LINGO2: variants seen among roughly 807,000 people sequenced by gnomAD.
The protein encoded by LINGO2 is leucine rich repeat and Ig domain containing 2, also known as leucine-rich repeat and immunoglobulin-like domain-containing nogo receptor-interacting protein 2.
In LINGO2, 14 loss-of-function variants were observed where a neutral mutation model predicts 30.6. The ratio of observed to expected loss-of-function variants is 0.46; its 90% CI spans 0.30 to 0.72. The LOEUF is 0.72. Among genes scored for constraint, LINGO2 ranks in the 30% least tolerant of loss-of-function variants. The probability of loss-of-function intolerance (pLI) is 0.07; values close to 1 mark genes in which losing one functional copy is unlikely to be tolerated. For missense variants in LINGO2, 729 were observed against 751.7 expected, an observed-to-expected ratio of 0.97 and a Z score of 0.35; for synonymous variants, 317 against 288.5, an observed-to-expected ratio of 1.10 and a Z score of -1.00.
chr9:28,805,877 A>T, the LINGO2 span, among the ~76,000 whole-genome samples: 24 of 152,272 alleles, frequency 1.6e-4, no homozygotes, highest in African/African-American at 5.3e-4. Context: ...TAGTATAAAC[A>T]CACAGATAAT....
the LINGO2 span, among the ~76,000 whole-genome samples, chr9:29,155,556 CTT>C: frequency 0.044 from 6,077 of 139,572 alleles, 174 homozygotes; most frequent in Admixed American, 0.086. Context: ...GAGGGTTTTC[CTT>C]TTTTTTTTTT....
At chr9:28,549,881 A>T (rs933710631) in intron 1 of LINGO2, among the ~76,000 whole-genome samples, 2 of 151,276 alleles carry the variant, frequency 1.3e-5, no homozygotes, top group African/African-American at 4.8e-5. Context: ...TTTACCCTCC[A>T]TTTTTGATAA....
downstream of LINGO2, among the ~76,000 whole-genome samples, chr9:27,945,569 G>A (rs1823334095): frequency 6.6e-6 from 1 of 152,048 alleles, no homozygotes; most frequent in Non-Finnish European, 1.5e-5. Context: ...TTTCTTTCTG[G>A]GATACTTTGA....
At chr9:28,974,621 T>A in the LINGO2 span, among the ~76,000 whole-genome samples, 1 of 152,190 alleles carries the variant, frequency 6.6e-6, no homozygotes, top group South Asian at 2.1e-4. Flanking sequence ...ATACAATGAA[T>A]CCATAAAACT....
chr9:28,455,551 C>A (rs938125539), intron 2 of LINGO2, among the ~76,000 whole-genome samples: 1 of 151,944 alleles, frequency 6.6e-6, no homozygotes, highest in African/African-American at 2.4e-5. Context: ...TAGGATGCAA[C>A]TAAAGTCAAG....
At chr9:28,371,605 T>A (rs1393427494) in intron 3 of LINGO2, among the ~76,000 whole-genome samples, 1 of 152,100 alleles carries the variant, frequency 6.6e-6, no homozygotes, top group East Asian at 1.9e-4. Context: ...TTTGAGAGGA[T>A]AAAAACATTC....
At chr9:27,997,717 G>A (rs756595843) in intron 5 of LINGO2, among the ~76,000 whole-genome samples, 1 of 152,170 alleles carries the variant, frequency 6.6e-6, no homozygotes, top group Non-Finnish European at 1.5e-5. Flanking sequence ...TTGCAAAAAT[G>A]TATCTTTTTG....
the LINGO2 span, among the ~76,000 whole-genome samples, chr9:28,989,268 T>C: frequency 6.6e-6 from 1 of 152,228 alleles, no homozygotes; most frequent in East Asian, 1.9e-4. Context: ...TTAAACTAAT[T>C]GGCTTCAGCT....
At chr9:28,142,454 G>A (rs1268440637) in intron 4 of LINGO2, among the ~76,000 whole-genome samples, 4 of 152,042 alleles carry the variant, frequency 2.6e-5, no homozygotes, top group Admixed American at 2.6e-4. Context: ...AACTTCATAG[G>A]ATTTTTTGTT....
intron 4 of LINGO2, among the ~76,000 whole-genome samples, chr9:28,168,967 G>C (rs1828508444): frequency 1.3e-5 from 2 of 152,160 alleles, no homozygotes; most frequent in Non-Finnish European, 2.9e-5. Flanking sequence ...CAGCTGGTCT[G>C]TGCCAGGTAC....
At chr9:28,791,076 G>A in the LINGO2 span, among the ~76,000 whole-genome samples, 1,002 of 152,086 alleles carry the variant, frequency 6.6e-3, 13 homozygotes, top group African/African-American at 0.023. Context: ...AAGTCTATGC[G>A]AATGTATGTA....
intron 4 of LINGO2, among the ~76,000 whole-genome samples, chr9:28,086,191 C>T: frequency 6.6e-6 from 1 of 151,874 alleles, no homozygotes; most frequent in East Asian, 1.9e-4. Flanking sequence ...GCCTGAAAAT[C>T]AACATTTTTA....
intron 5 of LINGO2, among the ~76,000 whole-genome samples, chr9:28,007,188 T>C (rs1822309156): frequency 6.6e-6 from 1 of 152,168 alleles, no homozygotes; most frequent in African/African-American, 2.4e-5. Context: ...AACTCCTTAA[T>C]ATAAGAAACA....
At chr9:29,098,580 A>C in the LINGO2 span, among the ~76,000 whole-genome samples, 1 of 152,078 alleles carries the variant, frequency 6.6e-6, no homozygotes, top group Non-Finnish European at 1.5e-5. Context: ...AGACGTGAAA[A>C]ACTGGAGAAC....
intron 4 of LINGO2, among the ~76,000 whole-genome samples, chr9:28,236,970 GCAT>G (rs1821589559): frequency 6.6e-6 from 1 of 151,962 alleles, no homozygotes; most frequent in Non-Finnish European, 1.5e-5. Context: ...ATTATGCATT[GCAT>G]GTCTATACCA....
At chr9:28,730,888 C>T in the LINGO2 span, among the ~76,000 whole-genome samples, 1 of 152,068 alleles carries the variant, frequency 6.6e-6, no homozygotes, top group East Asian at 1.9e-4. Context: ...TCACACATTG[C>T]TGTTGGGAAT....
In LINGO2 at chr9:28,158,176, A is replaced by ATC. The variant is rs535622829; in HGVS notation, c.-87+137030_-87+137031dup. On this transcript the variant is annotated intron_variant, in intron 4 of 5. Transcript: ENST00000379992. ...AATCACGGCAGAAGGTGAAAGGCAC[A>ATC]TCTCACATGGTGGTAGATAGGAGAA... Among the ~76,000 whole-genome samples, 141 of 152,360 alleles carry ATC rather than the reference A, an allele frequency of 9.3e-4. 1 individual carries two copies. The South Asian group carries it at 0.019, about 20-fold the overall frequency.
At chr9:28,922,565 T>C in the LINGO2 span, among the ~76,000 whole-genome samples, 818 of 152,330 alleles carry the variant, frequency 5.4e-3, 7 homozygotes, top group African/African-American at 0.019. Flanking sequence ...ATTAAAATCA[T>C]ATCTCAGTTA....
intron 1 of LINGO2, among the ~76,000 whole-genome samples, chr9:28,604,803 A>G: frequency 6.6e-6 from 1 of 152,028 alleles, no homozygotes; most frequent in East Asian, 1.9e-4. Context: ...GCAAAATTGT[A>G]CATATAGAGA....
Sources: gnomAD v4.1 joint callset for allele counts (sites outside exome capture counted in the v4.1 genomes callset) on GRCh38, gnomAD v4.1.1 for gene constraint, MANE v1.5 for transcripts, NCBI Gene and HGNC (gene_info 2026-07-23, HGNC 2026-07-21) for gene names.